The following NAXD variants were observed in gnomAD, a reference collection of about 807,000 sequenced individuals.
The protein encoded by NAXD is NAD(P)HX dehydratase, also known as ATP-dependent (S)-NAD(P)H-hydrate dehydratase.
In NAXD, 22 loss-of-function variants were observed where a neutral mutation model predicts 35.8. The observed-to-expected ratio is 0.62, with a 90% CI of 0.44 to 0.88. NAXD has a LOEUF of 0.88. NAXD is among the 40% of genes least tolerant of loss of function. The pLI is 0.00. For missense variants in NAXD, 428 were observed against 437.7 expected, an observed-to-expected ratio of 0.98 and a Z score of 0.20; for synonymous variants, 189 against 177.6, an observed-to-expected ratio of 1.06 and a Z score of -0.51.
chr13:110,625,991 G>A (rs948721822), intron 4 of NAXD, among the ~76,000 whole-genome samples: 19 of 152,272 alleles, frequency 1.2e-4, no homozygotes, highest in African/African-American at 4.6e-4. Flanking sequence ...GTGTGATGAC[G>A]CCTGGGTCGA....
At chr13:110,637,852 G>A (rs9588212) in intron 9 of NAXD, 38 of 473,274 alleles carry the variant, frequency 8.0e-5, no homozygotes, top group Middle Eastern at 6.4e-4. Flanking sequence ...CCTCATTGCC[G>A]GGATGGCAGA....
intron 1 of NAXD, chr13:110,616,028 G>T (rs901162552): frequency 1.0e-5 from 4 of 381,134 alleles, no homozygotes; most frequent in East Asian, 7.9e-5. Flanking sequence ...CCGCGCGGTG[G>T]CCGGGGAACG....
chr13:110,625,397 G>T (rs538218676), intron 4 of NAXD, 119 bp downstream of exon 4: 1 of 701,652 alleles, frequency 1.4e-6, no homozygotes, highest in Non-Finnish European at 2.5e-6. Context: ...TTCTCAGCAG[G>T]TGCTGTAGAG....
chr13:110,631,922 G>C (rs1886707790), intron 5 of NAXD, among the ~76,000 whole-genome samples: 1 of 152,222 alleles, frequency 6.6e-6, no homozygotes, highest in African/African-American at 2.4e-5. Context: ...TAGGCGAGCA[G>C]CTAATGCTTT....
In NAXD at chr13:110,622,169, CAA is replaced by C. The variant is rs749172804; in HGVS notation, c.47-46_47-45del. 12 of 1,539,512 alleles carry C rather than the reference CAA, an allele frequency of 7.8e-6. No homozygotes were observed. In the East Asian group the frequency reaches 2.5e-4, roughly 32 times the overall value. On this transcript the variant is annotated intron_variant, in intron 1 of 9. Coordinates refer to ENST00000680254, the MANE Select transcript of NAXD (RefSeq NM_001242882.2). Reference sequence around the variant, plus strand: ...GTTAATGGGCTATTATGTGTACTAACAATATCTGTTTACCTTTCTGAATTATT... The same window carrying C: ...GTTAATGGGCTATTATGTGTACTAACTATCTGTTTACCTTTCTGAATTATT...
At chr13:110,617,174 T>C (rs1886091467) in intron 1 of NAXD, among the ~76,000 whole-genome samples, 1 of 152,232 alleles carries the variant, frequency 6.6e-6, no homozygotes, top group Non-Finnish European at 1.5e-5. Flanking sequence ...AACTTAGGGA[T>C]TGTGGTTAAA....
Position 110,638,396 on chromosome 13 carries a change from G to A in NAXD, c.858G>A (p.Val286=), listed in dbSNP as rs1887019871. The part of the protein sequence containing the change: ...QKTNGSSPLL[V]AAFGACSLTR... The stretch of plus-strand genomic sequence containing the variant: ...TCCGCAGGTCCAGCCCTCTCCTGGT[G>A]GCCGCGTTTGGCGCCTGCTCTCTCA... The change falls in exon 10 of 10, where the codon GTG becomes GTA. Residue 286 remains valine, a synonymous_variant. Transcript: ENST00000680254. The surrounding 1 kb of genome is among the most constrained non-coding windows in gnomAD (Gnocchi z 5.4). 1 of 1,613,604 alleles carries A rather than the reference G, an allele frequency of 6.2e-7. No homozygotes were observed. Among genetic ancestry groups the A allele is most frequent in the Admixed American group, 1.7e-5 (1 of 59,998 alleles).
In NAXD at chr13:110,621,649, C is replaced by T. The variant is rs543920209; in HGVS notation, c.47-567C>T. 2.0e-4 allele frequency among the ~76,000 whole-genome samples: 30 copies of T among 151,752 alleles called. No homozygotes were observed. In the South Asian group the frequency reaches 5.4e-3, roughly 27 times the overall value. On this transcript the variant is annotated intron_variant, in intron 1 of 9. Coordinates refer to ENST00000680254, the MANE Select transcript of NAXD (RefSeq NM_001242882.2). The stretch of plus-strand genomic sequence containing the variant: ...AGGTGGAGGTTGCAGTGAGCAGGAT[C>T]GTGCCACTGCACTCCAGCTTGGGTG...
chr13:110,634,620 C>T (rs1262970010), intron 6 of NAXD, 25 bp downstream of exon 6: 4 of 1,614,004 alleles, frequency 2.5e-6, no homozygotes, highest in Non-Finnish European at 3.4e-6. Context: ...CTCCTCCTGG[C>T]TCGGACTCCC....
intron 1 of NAXD, chr13:110,615,944 C>T: frequency 4.2e-6 from 2 of 481,382 alleles, no homozygotes. Context: ...TGATGGGAGC[C>T]TCCGTGCGGG....
In NAXD at chr13:110,615,571, G is replaced by T. The variant is rs1284769340; in HGVS notation, c.-31G>T. The T allele has an allele frequency of 6.0e-6, 8 of 1,338,028 alleles. No homozygotes were observed. Among genetic ancestry groups the T allele is most frequent in the African/African-American group, 3.1e-5 (2 of 65,470 alleles). 82.9% of individuals were successfully genotyped at this position (1,338,028 alleles called of 1,614,324 possible). ...ATGGCTGTGTTTCCGGCGACGGCGC[G>T]GGGGCAGCTGGGAATCCGGAATGCT... On this transcript the variant is annotated 5_prime_UTR_variant, in exon 1 of 10. Transcript: ENST00000680254.
chr13:110,634,857 C>A (rs779067399), intron 7 of NAXD, 81 bp downstream of exon 7: 28 of 1,029,192 alleles, frequency 2.7e-5, no homozygotes, highest in Non-Finnish European at 4.1e-5. Context: ...CATGCTTCTG[C>A]CCAGCCTGTC....
At chr13:110,625,672 G>C (rs1886445623) in intron 4 of NAXD, among the ~76,000 whole-genome samples, 1 of 152,244 alleles carries the variant, frequency 6.6e-6, no homozygotes. Flanking sequence ...GCGTGGAACT[G>C]GGCAGGCAAA....
rs776904101 is a variant in NAXD at position 110,638,208 on chromosome 13, G to A, written c.840-170G>A. The A allele has an allele frequency of 6.5e-7, 1 of 1,529,280 alleles. No homozygotes were observed. The highest frequency in any genetic ancestry group is 8.8e-7 in the Non-Finnish European group (1 of 1,138,444). The allele number at this position is 1,529,280 out of a possible 1,614,324, so 94.7% of individuals were successfully genotyped here. A position where few individuals can be genotyped will look rare whatever the true frequency, so the allele number is the denominator to read the frequency against. ...CAGGGAGTAGTGGAGGGTTAATGGT[G>A]GTTTTCGCTGTGATAAACCTGCTTT... On this transcript the variant is annotated intron_variant, in intron 9 of 9. Transcript: ENST00000680254. The surrounding 1 kb of genome is among the most constrained non-coding windows in gnomAD (Gnocchi z 5.4).
chr13:110,622,079 T>C (rs1406768432), intron 1 of NAXD, 137 bp from the exon 2 acceptor site: 4 of 720,858 alleles, frequency 5.5e-6, no homozygotes, highest in African/African-American at 5.4e-5. Context: ...GAACATCATA[T>C]TTGCTTACAG....
chr13:110,634,440 A>G, intron 5 of NAXD, 105 bp from the exon 6 acceptor site: 1 of 1,204,434 alleles, frequency 8.3e-7, no homozygotes, highest in Non-Finnish European at 1.2e-6. Context: ...CCCACCTCCC[A>G]GGACCCTTCC....
In NAXD at chr13:110,627,458, C is replaced by G; in HGVS notation, c.352C>G (p.His118Asp). The change falls in exon 5 of 10, where the codon CAT (histidine) becomes GAT (aspartate). Residue 118 changes from histidine (H) to aspartate (D), a missense_variant. Physicochemically the swap from His to Asp is moderately conservative, Grantham distance 81. Coordinates refer to ENST00000680254, the MANE Select transcript of NAXD (RefSeq NM_001242882.2). ...HPVLDSPNAV[H>D]EVEKWLPRLH... ...CTTTAGTGACAGCCCCAATGCTGTT[C>G]ATGAGGTGGAGAAGTGGCTGCCCCG... 6.2e-7 allele frequency: 1 copy of G among 1,613,936 alleles called. No homozygotes were observed.
Position 110,615,554 on chromosome 13 carries a change from G to A in NAXD, c.-48G>A, listed in dbSNP as rs1594163505. Reference sequence around the variant, plus strand: ...ACCGGAAAACGCTTCCAATGGCTGTGTTTCCGGCGACGGCGCGGGGGCAGC... The same window carrying A: ...ACCGGAAAACGCTTCCAATGGCTGTATTTCCGGCGACGGCGCGGGGGCAGC... On this transcript the variant is annotated 5_prime_UTR_variant, in exon 1 of 10. Transcript: ENST00000680254. The A allele has an allele frequency of 7.5e-7, 1 of 1,338,730 alleles. No individual in the cohort carries two copies. The highest frequency in any genetic ancestry group is 9.6e-7 in the Non-Finnish European group (1 of 1,044,854). The allele number at this position is 1,338,730 out of a possible 1,614,324, so 82.9% of individuals were successfully genotyped here.
chr13:110,633,775 GA>G (rs1278673223), intron 5 of NAXD, among the ~76,000 whole-genome samples: 8 of 150,224 alleles, frequency 5.3e-5, no homozygotes, highest in African/African-American at 2.0e-4. Context: ...TTTTTTAATA[GA>G]AAACCTTTGA....
Sources: gnomAD v4.1 joint callset for allele counts (sites outside exome capture counted in the v4.1 genomes callset) on GRCh38, gnomAD v4.1.1 for gene constraint, Gnocchi (gnomAD v3.1) non-coding constraint, MANE v1.5 for transcripts, NCBI Gene and HGNC (gene_info 2026-07-23, HGNC 2026-07-21) for gene names.